The following NETO2 variants were observed in gnomAD, a reference collection of about 807,000 sequenced individuals.
NETO2 encodes the protein neuropilin and tolloid like 2.
Under a neutral mutation model 62.5 loss-of-function variants are expected in NETO2, and 28 were observed. That is an observed-to-expected ratio of 0.45 (90% CI 0.33 to 0.61). The LOEUF (loss-of-function observed/expected upper bound fraction) is 0.61. NETO2 is among the 20% of genes least tolerant of loss of function. The probability of loss-of-function intolerance (pLI) is 0.02; values close to 1 mark genes in which losing one functional copy is unlikely to be tolerated. For synonymous variants in NETO2, 214 were observed against 219.1 expected (o/e 0.98, Z 0.21); for missense variants, 548 against 643.2 (o/e 0.85, Z 1.60).
At chr16:47,097,158 C>T (rs962664559) in intron 7 of NETO2, among the ~76,000 whole-genome samples, 4 of 152,230 alleles carry the variant, frequency 2.6e-5, no homozygotes, top group East Asian at 1.9e-4. Context: ...GTGCCTGGAA[C>T]GCCAGCGAGA....
intron 2 of NETO2, 70 bp downstream of exon 2, chr16:47,131,899 T>C: frequency 7.8e-7 from 1 of 1,275,104 alleles, no homozygotes; most frequent in Non-Finnish European, 1.1e-6. Flanking sequence ...TACCCAAAAG[T>C]TGCAATCCTT....
rs575837248 is a variant in NETO2, at chr16:47,136,268, C to T, written c.35-4243G>A. Among the ~76,000 whole-genome samples the T allele has an allele frequency of 1.2e-4, 19 of 152,250 alleles. No homozygotes were observed. In the South Asian group the frequency reaches 3.7e-3, roughly 30 times the overall value. On this transcript the variant is annotated intron_variant, in intron 1 of 8. Transcript: ENST00000562435. Reference sequence around the variant, plus strand: ...ATGATCTGTTAAATACATGCAGGAACCCATTGTCTAACAGGTAGTGAGTCA... The same window carrying T: ...ATGATCTGTTAAATACATGCAGGAATCCATTGTCTAACAGGTAGTGAGTCA...
chr16:47,089,287 C>G (rs889186411), intron 7 of NETO2, among the ~76,000 whole-genome samples: 2 of 152,130 alleles, frequency 1.3e-5, no homozygotes, highest in African/African-American at 4.8e-5. Flanking sequence ...GAAATAGCAC[C>G]ATGCAGCAGA....
chr16:47,091,394 A>G (rs1283743673), intron 7 of NETO2, among the ~76,000 whole-genome samples: 1 of 152,228 alleles, frequency 6.6e-6, no homozygotes, highest in African/African-American at 2.4e-5. Context: ...TAACTAAAAC[A>G]CATTAGAGAA....
At chr16:47,138,916 C>T (rs1173436627) in intron 1 of NETO2, among the ~76,000 whole-genome samples, 2 of 152,236 alleles carry the variant, frequency 1.3e-5, no homozygotes, top group African/African-American at 4.8e-5. Context: ...ATTCTTGCCT[C>T]AGGAACCAGC....
At chr16:47,110,522 A>C (rs547126219) in intron 6 of NETO2, among the ~76,000 whole-genome samples, 3 of 152,210 alleles carry the variant, frequency 2.0e-5, no homozygotes, top group Non-Finnish European at 4.4e-5. Context: ...ATTCGGTGGC[A>C]AGGATTAAAC....
At position 47,099,445 on chromosome 16, in the gene NETO2, A is replaced by G. The variant is rs988058647; in HGVS notation, c.883+10038T>C. Reference sequence around the variant, plus strand: ...CAGCTACCATCATAATGACAGGATCAAATTCGCACATAACAATATTAACCT... The same window carrying G: ...CAGCTACCATCATAATGACAGGATCGAATTCGCACATAACAATATTAACCT... On this transcript the variant is annotated intron_variant, in intron 7 of 8. Transcript: ENST00000562435. Among the ~76,000 whole-genome samples the G allele has an allele frequency of 2.6e-5, 4 of 152,236 alleles. No individual in the cohort carries two copies. The East Asian group carries it at 7.7e-4, about 29-fold the overall frequency.
At chr16:47,135,390 C>T (rs1470588782) in intron 1 of NETO2, among the ~76,000 whole-genome samples, 2 of 149,474 alleles carry the variant, frequency 1.3e-5, no homozygotes, top group African/African-American at 4.9e-5. Context: ...TATAGGAAGG[C>T]GCTAATTCTA....
At chr16:47,125,014 G>A (rs1964127352) in intron 4 of NETO2, among the ~76,000 whole-genome samples, 1 of 151,436 alleles carries the variant, frequency 6.6e-6, no homozygotes, top group South Asian at 2.1e-4. Flanking sequence ...TCCAAAGTAA[G>A]TATCTTTACA....
rs1254792874 is a variant in NETO2 at position 47,079,107 on chromosome 16, C to T, written c.*4114G>A. On this transcript the variant is annotated 3_prime_UTR_variant, in exon 9 of 9. Coordinates refer to ENST00000562435, the MANE Select transcript of NETO2 (RefSeq NM_018092.5). The stretch of plus-strand genomic sequence containing the variant: ...CCATCCTGGCTAACATGGTGAAACC[C>T]CGTCTCTACTAAAAATACAAAAAAT... 1 of 149,914 alleles carries T rather than the reference C, an allele frequency of 6.7e-6. No homozygotes were observed. The highest frequency in any genetic ancestry group is 2.5e-5 in the African/African-American group (1 of 40,602). 9.3% of individuals were successfully genotyped at this position (149,914 alleles called of 1,614,324 possible).
chr16:47,128,711 G>T (rs1012862344), intron 3 of NETO2, 138 bp from the exon 4 acceptor site: 4 of 883,400 alleles, frequency 4.5e-6, no homozygotes, highest in Non-Finnish European at 6.9e-6. Context: ...TGCTATACAA[G>T]TCATGATAAA....
At chr16:47,126,476 G>C (rs1034257160) in intron 4 of NETO2, among the ~76,000 whole-genome samples, 1 of 152,318 alleles carries the variant, frequency 6.6e-6, no homozygotes, top group Admixed American at 6.5e-5. Context: ...TTTGGGGAAA[G>C]GGAGGGACCA....
Position 47,083,600 on chromosome 16 carries a change from A to C in NETO2, c.1199T>G (p.Leu400Arg), listed in dbSNP as rs757588501. The C allele has an allele frequency of 3.7e-6, 6 of 1,614,090 alleles. No homozygotes were observed. The highest frequency in any genetic ancestry group is 5.1e-6 in the Non-Finnish European group (6 of 1,180,046). Residue 400 changes from leucine (L) to arginine (R), a missense_variant, in exon 9 of 9, where the codon CTG becomes CGG. Transcript: ENST00000562435. ...AATCTCTTTGTCCCTTAGTGAAAAC[A>C]GTTCATAATGAGGAGGATCAAACAC... ...QEVFDPPHYE[L>R]FSLRDKEISA...
chr16:47,122,584 C>A, intron 6 of NETO2, 73 bp downstream of exon 6: 1 of 1,536,958 alleles, frequency 6.5e-7, no homozygotes, highest in Non-Finnish European at 8.8e-7. Context: ...TTACACAAAC[C>A]AAAATTACAC....
Position 47,082,594 on chromosome 16 carries a change from C to T in NETO2, c.*627G>A, listed in dbSNP as rs1596694184. 6.6e-6 allele frequency: 1 copy of T among 151,934 alleles called. No individual in the cohort carries two copies. The highest frequency in any genetic ancestry group is 1.5e-5 in the Non-Finnish European group (1 of 67,996). 9.4% of individuals were successfully genotyped at this position (151,934 alleles called of 1,614,324 possible). On this transcript the variant is annotated 3_prime_UTR_variant, in exon 9 of 9. Transcript: ENST00000562435. ...TCTCACAGAAAATAAGGAATAAGGG[C>T]CCAGTAATTAAAAGGCAGAAGTACA... is the stretch of plus-strand genomic sequence containing the variant.
Position 47,123,314 on chromosome 16 carries a change from T to C in NETO2, c.482-402A>G, listed in dbSNP as rs1007146628. On this transcript the variant is annotated intron_variant, in intron 4 of 8. Transcript: ENST00000562435. ...GGTAATAGTTGCATAATACTGTGAA[T>C]GTACTTAACGCCACTGAATTACACA... Among the ~76,000 whole-genome samples, 9 of 152,310 alleles carry C rather than the reference T, an allele frequency of 5.9e-5. No homozygotes were observed. The East Asian group carries it at 1.4e-3, about 23-fold the overall frequency.
Position 47,083,804 on chromosome 16 carries a change from G to A in NETO2, c.998-3C>T, listed in dbSNP as rs1378438167. The stretch of plus-strand genomic sequence containing the variant: ...AAATACTCCTGCTTTTTTCTTTTCT[G>A]CAGAAAGAAAATGAGAAACGTTAAG... On this transcript the variant is annotated splice_polypyrimidine_tract_variant and splice_region_variant and intron_variant, in intron 8 of 8. Coordinates refer to ENST00000562435, the MANE Select transcript of NETO2 (RefSeq NM_018092.5). 1 of 1,562,356 alleles carries A rather than the reference G, an allele frequency of 6.4e-7. No homozygotes were observed. Among genetic ancestry groups the A allele is most frequent in the African/African-American group, 1.4e-5 (1 of 72,528 alleles).
In NETO2 at chr16:47,143,791, T is replaced by C; in HGVS notation, c.-179A>G. 1 of 848,262 alleles carries C rather than the reference T, an allele frequency of 1.2e-6. No homozygotes were observed. The highest frequency in any genetic ancestry group is 1.5e-6 in the Non-Finnish European group (1 of 650,666). The allele number at this position is 848,262 out of a possible 1,614,324, so 52.5% of individuals were successfully genotyped here. A position where few individuals can be genotyped will look rare whatever the true frequency, so the allele number is the denominator to read the frequency against. On this transcript the variant is annotated 5_prime_UTR_variant, in exon 1 of 9. Coordinates refer to ENST00000562435, the MANE Select transcript of NETO2 (RefSeq NM_018092.5). The stretch of plus-strand genomic sequence containing the variant: ...GGCCCGCCATGCCCGAGCCCCACAG[T>C]GGGCTCCCGCGCGGCCCGAGCACCC...
At chr16:47,112,051 T>A (rs1489214794) in intron 6 of NETO2, among the ~76,000 whole-genome samples, 1 of 152,174 alleles carries the variant, frequency 6.6e-6, no homozygotes. Flanking sequence ...TAAACATCGA[T>A]GCCTTCTTTT....
Sources: gnomAD v4.1 joint callset for allele counts (sites outside exome capture counted in the v4.1 genomes callset) on GRCh38, gnomAD v4.1.1 for gene constraint, MANE v1.5 for transcripts, NCBI Gene and HGNC (gene_info 2026-07-23, HGNC 2026-07-21) for gene names.